The following NKAIN2 variants were observed in gnomAD, a reference collection of about 807,000 sequenced individuals.
The protein encoded by NKAIN2 is sodium/potassium transporting ATPase interacting 2, also known as sodium/potassium-transporting ATPase subunit beta-1-interacting protein 2.
A neutral mutation model predicts 32.6 loss-of-function variants in NKAIN2; 14 were observed. That is an observed-to-expected ratio of 0.43 (90% CI 0.28 to 0.67). The LOEUF (loss-of-function observed/expected upper bound fraction) is 0.67. Ranked by LOEUF, NKAIN2 falls within the 30% of genes least tolerant of loss-of-function variation. NKAIN2 has a pLI of 0.17. For synonymous variants in NKAIN2, 80 were observed against 87.2 expected (o/e 0.92, Z 0.46); for missense variants, 198 against 258.3 (o/e 0.77, Z 1.60).
intron 3 of NKAIN2, among the ~76,000 whole-genome samples, chr6:124,496,565 A>G (rs1018747087): frequency 1.3e-5 from 2 of 152,128 alleles, no homozygotes; most frequent in African/African-American, 2.4e-5. Flanking sequence ...GATGAGTTCT[A>G]GCCCAGAGCA....
At chr6:124,151,296 A>T (rs983510789) in intron 1 of NKAIN2, among the ~76,000 whole-genome samples, 2 of 152,074 alleles carry the variant, frequency 1.3e-5, no homozygotes, top group Non-Finnish European at 1.5e-5. Flanking sequence ...ACATATAATG[A>T]TGAACACAAA....
intron 3 of NKAIN2, among the ~76,000 whole-genome samples, chr6:124,448,331 A>G (rs1432879081): frequency 6.6e-6 from 1 of 152,144 alleles, no homozygotes; most frequent in Non-Finnish European, 1.5e-5. Flanking sequence ...GCCATCAGAC[A>G]TTACTGAGAA....
intron 1 of NKAIN2, among the ~76,000 whole-genome samples, chr6:123,904,256 A>G (rs980015144): frequency 6.6e-6 from 1 of 152,176 alleles, no homozygotes; most frequent in East Asian, 1.9e-4. Context: ...AAGAAAGAAA[A>G]AAAAGAAATG....
chr6:124,022,684 C>G (rs769567341), intron 1 of NKAIN2, among the ~76,000 whole-genome samples: 48 of 152,176 alleles, frequency 3.2e-4, no homozygotes, highest in Non-Finnish European at 6.3e-4. Context: ...AAGCCAAATT[C>G]AGTCAGCTCA....
intron 1 of NKAIN2, among the ~76,000 whole-genome samples, chr6:124,177,614 T>TA (rs1305902672): frequency 6.6e-6 from 1 of 152,200 alleles, no homozygotes; most frequent in Non-Finnish European, 1.5e-5. Flanking sequence ...CGTACATTGT[T>TA]ATGGTTGAAA....
At chr6:124,047,665 A>G (rs7771461) in intron 1 of NKAIN2, among the ~76,000 whole-genome samples, 95,274 of 151,724 alleles carry the variant, frequency 0.63, 30,721 homozygotes, top group African/African-American at 0.78. Context: ...CAGCTCTGGC[A>G]CCCAGGATAT....
intron 2 of NKAIN2, among the ~76,000 whole-genome samples, chr6:124,329,198 T>TG (rs142668262): frequency 0.032 from 4,948 of 152,278 alleles, 277 homozygotes; most frequent in African/African-American, 0.11. Flanking sequence ...TCTATGCCAC[T>TG]GTTCAGCATG....
chr6:124,551,513 A>G (rs889763187), intron 3 of NKAIN2, among the ~76,000 whole-genome samples: 3 of 152,094 alleles, frequency 2.0e-5, no homozygotes, highest in African/African-American at 7.2e-5. Flanking sequence ...CCAAATCCCA[A>G]TATTTCAAGA....
chr6:124,819,390 G>T (rs1048841515), intron 6 of NKAIN2, among the ~76,000 whole-genome samples: 5 of 152,074 alleles, frequency 3.3e-5, no homozygotes, highest in Non-Finnish European at 1.5e-5. Context: ...CTTGCACCGT[G>T]CCTGCCTTTT....
At chr6:123,862,922 T>C (rs768601941) in intron 1 of NKAIN2, among the ~76,000 whole-genome samples, 12 of 152,230 alleles carry the variant, frequency 7.9e-5, no homozygotes, top group Non-Finnish European at 1.6e-4. Context: ...TATTTACCAC[T>C]GAGTCCCTGG....
At chr6:124,135,356 C>T (rs1278093301) in intron 1 of NKAIN2, among the ~76,000 whole-genome samples, 2 of 151,684 alleles carry the variant, frequency 1.3e-5, no homozygotes, top group African/African-American at 4.8e-5. Flanking sequence ...TTCCACCAAC[C>T]AAGTATCTGC....
intron 1 of NKAIN2, among the ~76,000 whole-genome samples, chr6:124,279,510 C>CAA (rs10545991): frequency 1.5e-4 from 12 of 78,648 alleles, no homozygotes; most frequent in Admixed American, 2.8e-4. Context: ...GATTCCATCT[C>CAA]AAAAAAAAAA....
intron 1 of NKAIN2, among the ~76,000 whole-genome samples, chr6:124,033,967 A>G (rs1170265579): frequency 6.6e-6 from 1 of 152,062 alleles, no homozygotes; most frequent in Non-Finnish European, 1.5e-5. Flanking sequence ...CATGTTCACA[A>G]TTAAAGTTTG....
At chr6:124,134,840 C>G (rs1396682764) in intron 1 of NKAIN2, among the ~76,000 whole-genome samples, 13 of 152,076 alleles carry the variant, frequency 8.5e-5, no homozygotes, top group Admixed American at 7.9e-4. Context: ...GGCATATAGA[C>G]ATCAGGTTAT....
In NKAIN2 at chr6:123,967,497, T is replaced by A. The variant is rs9388293; in HGVS notation, c.54+163243T>A. 6.3e-3 allele frequency among the ~76,000 whole-genome samples: 952 copies of A among 152,318 alleles called. 52 individuals carry two copies. The East Asian group carries it at 0.14, about 23-fold the overall frequency. On this transcript the variant is annotated intron_variant, in intron 1 of 6. Coordinates refer to ENST00000368417, the MANE Select transcript of NKAIN2 (RefSeq NM_001040214.3). ...CTCTGCTACTCTCTATTGTTTGTTA[T>A]CTTATCCTACCAATAATTGCAGCTT...
intron 1 of NKAIN2, among the ~76,000 whole-genome samples, chr6:124,021,662 T>G (rs965837682): frequency 6.6e-6 from 1 of 151,902 alleles, no homozygotes; most frequent in African/African-American, 2.4e-5. Flanking sequence ...AATTTAAAAT[T>G]TTTGCCTTAT....
chr6:124,493,595 T>C (rs1231811202), intron 3 of NKAIN2, among the ~76,000 whole-genome samples: 1 of 151,806 alleles, frequency 6.6e-6, no homozygotes, highest in Non-Finnish European at 1.5e-5. Flanking sequence ...CTTTTCTTTG[T>C]ACTTCTTGGG....
chr6:124,544,424 T>C (rs926094321), intron 3 of NKAIN2, among the ~76,000 whole-genome samples: 19 of 144,764 alleles, frequency 1.3e-4, no homozygotes, highest in African/African-American at 4.9e-4. Flanking sequence ...GCATAGGTCC[T>C]CCCCTTTAGC....
intron 3 of NKAIN2, among the ~76,000 whole-genome samples, chr6:124,579,042 A>T (rs1250688927): frequency 1.3e-5 from 2 of 152,158 alleles, no homozygotes; most frequent in East Asian, 3.9e-4. Context: ...AGCTTGGGGT[A>T]CTCCCTAATG....
Sources: gnomAD v4.1 joint callset for allele counts (sites outside exome capture counted in the v4.1 genomes callset) on GRCh38, gnomAD v4.1.1 for gene constraint, MANE v1.5 for transcripts, NCBI Gene and HGNC (gene_info 2026-07-23, HGNC 2026-07-21) for gene names.